The following JMY variants were observed in gnomAD, a reference collection of about 807,000 sequenced individuals.
JMY encodes junction-mediating and -regulatory protein.
JMY carries 46 observed loss-of-function variants against 103.3 expected under a neutral mutation model. That is an observed-to-expected ratio of 0.45 (90% CI 0.35 to 0.57). The LOEUF is 0.57. Among genes scored for constraint, JMY ranks in the 20% least tolerant of loss-of-function variants. JMY has a pLI of 0.00. For missense variants in JMY, 1,238 were observed against 1,255.2 expected (o/e 0.99, Z 0.21); for synonymous variants, 526 against 489.3 (o/e 1.07, Z -0.99).
chr5:79,240,235 C>T lies in JMY; in HGVS notation c.1032+2553C>T, dbSNP rs183698354. Among the ~76,000 whole-genome samples the T allele has an allele frequency of 1.5e-4, 23 of 152,034 alleles. No homozygotes were observed. In the East Asian group the frequency reaches 1.6e-3, roughly 10 times the overall value. On this transcript the variant is annotated intron_variant, in intron 1 of 10. Transcript: ENST00000396137. ...TTTACCATGTTGGCCAAGCTGGTCT[C>T]GAACTCCTGACCTGGTGATCCGCCT...
At chr5:79,251,625 ATTT>A (rs796459953) in intron 1 of JMY, among the ~76,000 whole-genome samples, 2 of 137,800 alleles carry the variant, frequency 1.5e-5, no homozygotes. Context: ...CATTCATTCT[ATTT>A]TTTTTTTTTT....
At chr5:79,318,036 C>G (rs1007421099) in intron 10 of JMY, among the ~76,000 whole-genome samples, 5 of 152,180 alleles carry the variant, frequency 3.3e-5, no homozygotes. Flanking sequence ...GGGTTTCACT[C>G]TCTCACCCAG....
chr5:79,291,262 T>G lies in JMY; in HGVS notation c.1490T>G (p.Ile497Arg), dbSNP rs1746412823. 1 of 1,609,778 alleles carries G rather than the reference T, an allele frequency of 6.2e-7. No individual in the cohort carries two copies. The highest frequency in any genetic ancestry group is 1.7e-5 in the Admixed American group (1 of 59,112). Residue 497 changes from isoleucine (I) to arginine (R), a missense_variant, in exon 4 of 11, where the codon ATA (isoleucine) becomes AGA (arginine). Ile to Arg is a moderately conservative substitution (Grantham distance 97). Coordinates refer to ENST00000396137, the MANE Select transcript of JMY (RefSeq NM_152405.5). ...TTGCAGATGATGAGAGCTAAAGAGA[T>G]ATGCTTGGAACAGCGGAAACATGCA... ...ETLQMMRAKE[I>R]CLEQRKHALK...
chr5:79,263,801 C>CT (rs58036086), intron 1 of JMY, among the ~76,000 whole-genome samples: 7,297 of 147,910 alleles, frequency 0.049, 546 homozygotes, highest in African/African-American at 0.16. Context: ...CCATGTCCGT[C>CT]TTTTTTTTTT....
At chr5:79,249,091 A>C (rs1745000225) in intron 1 of JMY, among the ~76,000 whole-genome samples, 1 of 146,844 alleles carries the variant, frequency 6.8e-6, no homozygotes, top group Non-Finnish European at 1.5e-5. Flanking sequence ...AGGTGATGTG[A>C]ATTTTGGTAG....
At chr5:79,277,307 G>A (rs1399990579) in intron 1 of JMY, among the ~76,000 whole-genome samples, 1 of 151,916 alleles carries the variant, frequency 6.6e-6, no homozygotes, top group Admixed American at 6.6e-5. Flanking sequence ...TCCAGATTTG[G>A]ATGGTTTTCA....
intron 1 of JMY, among the ~76,000 whole-genome samples, chr5:79,241,939 G>C (rs776481729): frequency 1.1e-4 from 16 of 152,062 alleles, no homozygotes; most frequent in Non-Finnish European, 2.9e-5. Flanking sequence ...TATGTGCGTT[G>C]GTGGCCCATA....
chr5:79,244,184 A>G (rs534490158), intron 1 of JMY, among the ~76,000 whole-genome samples: 2 of 152,052 alleles, frequency 1.3e-5, no homozygotes, highest in East Asian at 1.9e-4. Context: ...TATTTTTAGT[A>G]GAGATGGGGT....
intron 1 of JMY, among the ~76,000 whole-genome samples, chr5:79,256,528 A>G (rs1210111289): frequency 5.3e-5 from 8 of 152,090 alleles, no homozygotes; most frequent in African/African-American, 1.9e-4. Flanking sequence ...GAGTCTCGTA[A>G]AGGGTAATTT....
At chr5:79,281,510 C>G (rs1263585689) in intron 2 of JMY, among the ~76,000 whole-genome samples, 1 of 151,828 alleles carries the variant, frequency 6.6e-6, no homozygotes, top group African/African-American at 2.4e-5. Flanking sequence ...TTATCAAACC[C>G]CTATTGTATA....
At position 79,236,939 on chromosome 5, in the gene JMY, ACT is replaced by A; in HGVS notation, c.292_293del (p.Leu98GlyfsTer2). ...RGRPEATASA[T>X]LVRSPGPRRS... ...TCGGCCCGAGGCCACTGCCTCTGCA[ACT>A]CTGGTTAGGAGCCCCGGGCCCCGGC... On this transcript the variant is annotated frameshift_variant, in exon 1 of 11. Coordinates refer to ENST00000396137, the MANE Select transcript of JMY (RefSeq NM_152405.5). LOFTEE classifies it high-confidence loss of function. 7.0e-7 allele frequency: 1 copy of A among 1,435,610 alleles called. No homozygotes were observed. The allele number at this position is 1,435,610 out of a possible 1,614,324, so 88.9% of individuals were successfully genotyped here.
chr5:79,265,547 T>C (rs1224280598), intron 1 of JMY, among the ~76,000 whole-genome samples: 3 of 151,758 alleles, frequency 2.0e-5, no homozygotes, highest in South Asian at 2.1e-4. Flanking sequence ...CACTTTGATA[T>C]GGCCATTTAG....
At chr5:79,249,841 G>C (rs1745021660) in intron 1 of JMY, among the ~76,000 whole-genome samples, 1 of 152,192 alleles carries the variant, frequency 6.6e-6, no homozygotes, top group South Asian at 2.1e-4. Context: ...TAGAGGCCAT[G>C]TGGGGCAGTG....
intron 10 of JMY, among the ~76,000 whole-genome samples, chr5:79,317,472 AAATT>A (rs1747272896): frequency 6.6e-6 from 1 of 152,174 alleles, no homozygotes. Context: ...AACATGGTAT[AAATT>A]AAACAGTATA....
chr5:79,285,235 C>A (rs1398631630), intron 2 of JMY, among the ~76,000 whole-genome samples: 1 of 152,188 alleles, frequency 6.6e-6, no homozygotes, highest in Non-Finnish European at 1.5e-5. Context: ...ACCCCCAGGG[C>A]AAGTCTGTAG....
intron 2 of JMY, among the ~76,000 whole-genome samples, chr5:79,289,822 A>G (rs1442854686): frequency 2.0e-5 from 3 of 152,190 alleles, no homozygotes; most frequent in African/African-American, 7.2e-5. Context: ...ATTTTATCAT[A>G]GAGGAGGAAA....
chr5:79,244,104 G>A (rs1339434245), intron 1 of JMY, among the ~76,000 whole-genome samples: 1 of 151,324 alleles, frequency 6.6e-6, no homozygotes, highest in African/African-American at 2.4e-5. Flanking sequence ...GGCTTCTAGC[G>A]ATTCTCCTGC....
intron 1 of JMY, among the ~76,000 whole-genome samples, chr5:79,277,598 A>G (rs1419317126): frequency 6.6e-6 from 1 of 151,966 alleles, no homozygotes; most frequent in Non-Finnish European, 1.5e-5. Flanking sequence ...AGATCGCACC[A>G]TTGCACTCCA....
At chr5:79,317,171 A>T (rs906213080) in intron 10 of JMY, among the ~76,000 whole-genome samples, 1 of 152,102 alleles carries the variant, frequency 6.6e-6, no homozygotes, top group Non-Finnish European at 1.5e-5. Context: ...GTTTTCTAAG[A>T]TCATTCTGGA....
Sources: allele counts gnomAD v4.1 joint callset (sites outside exome capture counted in the v4.1 genomes callset), GRCh38; gene constraint gnomAD v4.1.1; transcripts MANE v1.5; gene names NCBI Gene and HGNC (gene_info 2026-07-23, HGNC 2026-07-21).